The following TMEFF2 variants were observed in gnomAD, a reference collection of about 807,000 sequenced individuals.
TMEFF2 encodes the protein tomoregulin-2.
Under a neutral mutation model 53.8 loss-of-function variants are expected in TMEFF2, and 28 were observed. That is an observed-to-expected ratio of 0.52 (90% confidence interval 0.39 to 0.71). TMEFF2 has a LOEUF of 0.71. Among genes scored for constraint, TMEFF2 ranks in the 30% least tolerant of loss-of-function variants. TMEFF2 has a pLI of 0.00. For synonymous variants in TMEFF2, 162 were observed against 166.3 expected (o/e 0.97, Z 0.20); for missense variants, 353 against 455.2 (o/e 0.78, Z 2.04).
At chr2:192,011,456 G>A (rs886413875) in intron 5 of TMEFF2, among the ~76,000 whole-genome samples, 16 of 152,170 alleles carry the variant, frequency 1.1e-4, no homozygotes, top group African/African-American at 3.9e-4. Context: ...AGACAAGAAT[G>A]AGCTGGATAA....
intron 5 of TMEFF2, among the ~76,000 whole-genome samples, chr2:192,001,034 G>A (rs987573534): frequency 6.6e-6 from 1 of 152,156 alleles, no homozygotes; most frequent in Non-Finnish European, 1.5e-5. Context: ...CTTATAGAGC[G>A]GATGTGGATA....
intron 5 of TMEFF2, among the ~76,000 whole-genome samples, chr2:192,015,045 G>T (rs753949410): frequency 1.3e-5 from 2 of 152,134 alleles, no homozygotes; most frequent in Non-Finnish European, 2.9e-5. Flanking sequence ...ACCTCCCTTT[G>T]CATACTTAAA....
At chr2:192,084,295 G>A (rs1688617931) in intron 4 of TMEFF2, among the ~76,000 whole-genome samples, 1 of 152,070 alleles carries the variant, frequency 6.6e-6, no homozygotes, top group South Asian at 2.1e-4. Context: ...CCACTTACTT[G>A]ACATTTTCTT....
At position 191,950,799 on chromosome 2, in the gene TMEFF2, A is replaced by G. The variant is rs117411884; in HGVS notation, c.1029-392T>C. Among the ~76,000 whole-genome samples the G allele has an allele frequency of 3.2e-3, 490 of 152,298 alleles. 6 individuals are homozygous for G. In the East Asian group the frequency reaches 0.036, roughly 11 times the overall value. On this transcript the variant is annotated intron_variant, in intron 9 of 9. Transcript: ENST00000272771. ...GAATGAATGTTATATTGACTTTTCA[A>G]TGTTATGAGTTTAAATCCTATCAAA...
chr2:191,952,692 G>A (rs919888930), intron 9 of TMEFF2, among the ~76,000 whole-genome samples: 3 of 152,120 alleles, frequency 2.0e-5, no homozygotes, highest in African/African-American at 7.2e-5. Context: ...AAGAGCAAAT[G>A]CCACACTTGT....
At chr2:192,105,289 T>A (rs565844557) in intron 4 of TMEFF2, among the ~76,000 whole-genome samples, 3 of 152,070 alleles carry the variant, frequency 2.0e-5, no homozygotes, top group Admixed American at 2.0e-4. Flanking sequence ...TTCCCCCTTA[T>A]GTAATATACA....
At chr2:192,017,403 T>C (rs1220212526) in intron 5 of TMEFF2, among the ~76,000 whole-genome samples, 2 of 152,152 alleles carry the variant, frequency 1.3e-5, no homozygotes, top group Non-Finnish European at 2.9e-5. Context: ...TAGGAATCGA[T>C]TGGAGAGATT....
intron 5 of TMEFF2, among the ~76,000 whole-genome samples, chr2:192,039,045 G>A (rs916712162): frequency 2.6e-5 from 4 of 151,008 alleles, no homozygotes; most frequent in African/African-American, 4.9e-5. Context: ...GATATTTCCC[G>A]CCCCCCCCAT....
intron 4 of TMEFF2, among the ~76,000 whole-genome samples, chr2:192,160,674 A>T (rs1298552679): frequency 6.6e-6 from 1 of 152,124 alleles, no homozygotes; most frequent in African/African-American, 2.4e-5. Flanking sequence ...CTTCTTTAGA[A>T]AAAAATACAT....
chr2:192,029,550 C>T (rs927164449), intron 5 of TMEFF2, among the ~76,000 whole-genome samples: 4 of 152,180 alleles, frequency 2.6e-5, no homozygotes, highest in Non-Finnish European at 4.4e-5. Context: ...ATGAGCATTT[C>T]GTGATGGAGG....
chr2:191,963,035 C>T (rs1332394419), intron 7 of TMEFF2, among the ~76,000 whole-genome samples: 1 of 152,132 alleles, frequency 6.6e-6, no homozygotes, highest in Non-Finnish European at 1.5e-5. Context: ...TCTTTGACAA[C>T]ATTTCTGTAA....
chr2:192,189,923 T>C (rs2106048759), intron 2 of TMEFF2, among the ~76,000 whole-genome samples: 1 of 152,322 alleles, frequency 6.6e-6, no homozygotes, highest in African/African-American at 2.4e-5. Context: ...GCAGTAGTAG[T>C]ACACTAGTAC....
intron 5 of TMEFF2, among the ~76,000 whole-genome samples, chr2:192,032,857 A>G (rs771880983): frequency 1.8e-4 from 27 of 152,304 alleles, no homozygotes; most frequent in Middle Eastern, 3.4e-3. Context: ...CGTCTTTGTG[A>G]ACAATTGCTG....
At chr2:191,991,306 T>C (rs1686099150) in intron 7 of TMEFF2, among the ~76,000 whole-genome samples, 1 of 152,100 alleles carries the variant, frequency 6.6e-6, no homozygotes, top group South Asian at 2.1e-4. Context: ...GGATAATATA[T>C]GTATAACAAC....
chr2:192,003,632 T>C (rs1245063798), intron 5 of TMEFF2, among the ~76,000 whole-genome samples: 2 of 152,196 alleles, frequency 1.3e-5, no homozygotes, highest in African/African-American at 4.8e-5. Context: ...TTATGGGCAT[T>C]AGATTAACCT....
chr2:192,132,283 T>A (rs2105978906), intron 4 of TMEFF2, among the ~76,000 whole-genome samples: 1 of 152,178 alleles, frequency 6.6e-6, no homozygotes, highest in Admixed American at 6.5e-5. Flanking sequence ...AAAGGCATAG[T>A]CCAGGTTAAT....
chr2:191,973,375 G>A (rs1692706975), intron 7 of TMEFF2, among the ~76,000 whole-genome samples: 1 of 151,854 alleles, frequency 6.6e-6, no homozygotes, highest in African/African-American at 2.4e-5. Flanking sequence ...CTCCTAACAG[G>A]TATGTAAGTT....
intron 4 of TMEFF2, among the ~76,000 whole-genome samples, chr2:192,145,452 A>G (rs911457526): frequency 3.9e-5 from 6 of 151,988 alleles, no homozygotes; most frequent in Non-Finnish European, 8.8e-5. Flanking sequence ...CAAGTAAGCA[A>G]TTCCTTGGCA....
At chr2:192,184,537 T>C in intron 2 of TMEFF2, 54 bp from the exon 3 acceptor site, 2 of 1,594,986 alleles carry the variant, frequency 1.3e-6, no homozygotes. Flanking sequence ...TGTATCCCTC[T>C]GACACGATGA....
Sources: gnomAD v4.1 joint callset for allele counts (sites outside exome capture counted in the v4.1 genomes callset) on GRCh38, gnomAD v4.1.1 for gene constraint, MANE v1.5 for transcripts, NCBI Gene and HGNC (gene_info 2026-07-23, HGNC 2026-07-21) for gene names.